The following PHF20L1 variants were observed in gnomAD, a reference collection of about 807,000 sequenced individuals.
PHF20L1 encodes PHD finger protein 20-like protein 1.
PHF20L1 carries 44 observed loss-of-function variants against 125.5 expected under a neutral mutation model. The ratio of observed to expected loss-of-function variants is 0.35; its 90% CI spans 0.28 to 0.45. The LOEUF (loss-of-function observed/expected upper bound fraction) is 0.45. Ranked by LOEUF, PHF20L1 falls within the 20% of genes least tolerant of loss-of-function variation. The probability of loss-of-function intolerance (pLI) is 1.00; values close to 1 mark genes in which losing one functional copy is unlikely to be tolerated. For missense variants in PHF20L1, 1,012 were observed against 1,217.2 expected (o/e 0.83, Z 2.51); for synonymous variants, 380 against 403.1 (o/e 0.94, Z 0.69).
chr8:132,836,962 A>T (rs1042260373), intron 16 of PHF20L1, among the ~76,000 whole-genome samples: 1 of 152,090 alleles, frequency 6.6e-6, no homozygotes, highest in Non-Finnish European at 1.5e-5. Context: ...TTCAAACTGA[A>T]ACTCTTTAGA....
Position 132,825,338 on chromosome 8 carries a change from A to G in PHF20L1, c.1711A>G (p.Lys571Glu). ...KDHYRPKQKKKKKKKKKSKQH... is the reference protein window; with the variant it reads ...KDHYRPKQKKEKKKKKKSKQH... Reference sequence around the variant, plus strand: ...TCACTACAGACCAAAACAGAAGAAGAAGAAAAAAAAGAAAAAGAAATCTAA... The same window carrying G: ...TCACTACAGACCAAAACAGAAGAAGGAGAAAAAAAAGAAAAAGAAATCTAA... The change falls in exon 14 of 21, where the codon AAG becomes GAG. Residue 571 changes from lysine to glutamate, a missense_variant. Lys to Glu is a moderately conservative substitution (Grantham distance 56). Around this residue, in one of 7 missense-constraint regions of PHF20L1, gnomAD observed 320 missense variants for 293.8 expected, o/e 1.09. Coordinates refer to ENST00000395386, the MANE Select transcript of PHF20L1 (RefSeq NM_016018.5). 1 of 1,480,422 alleles carries G rather than the reference A, an allele frequency of 6.8e-7. No homozygotes were observed. The highest frequency in any genetic ancestry group is 9.2e-7 in the Non-Finnish European group (1 of 1,084,938). 91.7% of individuals were successfully genotyped at this position (1,480,422 alleles called of 1,614,324 possible).
In PHF20L1 at chr8:132,817,557, A is replaced by C. The variant is rs1384200386; in HGVS notation, c.1579+12A>C. 7 of 1,589,756 alleles carry C rather than the reference A, an allele frequency of 4.4e-6. No homozygotes were observed. The highest frequency in any genetic ancestry group is 6.0e-6 in the Non-Finnish European group (7 of 1,166,376). On this transcript the variant is annotated intron_variant, in intron 12 of 20. Transcript: ENST00000395386. ...TCCAGCAGCAGCAGGTAAAAGAAAA[A>C]AAATAAAGGCTCCTATAAGTAGATA... is the stretch of plus-strand genomic sequence containing the variant.
Position 132,846,467 on chromosome 8 carries a change from G to A in PHF20L1, c.*544G>A, listed in dbSNP as rs4736611. Reference sequence around the variant, plus strand: ...ATGAGCTGTTTCTTGGGCGATGAATGTTCTCAATCAGAAAACTGACAGTAG... The same window carrying A: ...ATGAGCTGTTTCTTGGGCGATGAATATTCTCAATCAGAAAACTGACAGTAG... On this transcript the variant is annotated 3_prime_UTR_variant, in exon 21 of 21. Transcript: ENST00000395386. The A allele has an allele frequency of 0.26, 40,185 of 152,442 alleles. 6,456 individuals are homozygous for A. Among genetic ancestry groups the A allele is most frequent in the South Asian group, 0.45 (2,186 of 4,820 alleles). The allele number at this position is 152,442 out of a possible 1,614,324, so 9.4% of individuals were successfully genotyped here.
chr8:132,846,986 C>T lies in PHF20L1; in HGVS notation c.*1063C>T, dbSNP rs149315790. On this transcript the variant is annotated 3_prime_UTR_variant, in exon 21 of 21. Transcript: ENST00000395386. Reference sequence around the variant, plus strand: ...ATTTTATTTTTAAAAAATACATGCACACTCAAAACTTTTAGCTTTGATCAC... The same window carrying T: ...ATTTTATTTTTAAAAAATACATGCATACTCAAAACTTTTAGCTTTGATCAC... 80 of 152,526 alleles carry T rather than the reference C, an allele frequency of 5.2e-4. No individual in the cohort carries two copies. Among genetic ancestry groups the T allele is most frequent in the African/African-American group, 1.9e-3 (77 of 41,502 alleles). The allele number at this position is 152,526 out of a possible 1,614,324, so 9.4% of individuals were successfully genotyped here. A position where few individuals can be genotyped will look rare whatever the true frequency, so the allele number is the denominator to read the frequency against.
intron 14 of PHF20L1, chr8:132,826,106 A>G (rs1836147180): frequency 6.6e-6 from 1 of 152,106 alleles, no homozygotes; most frequent in South Asian, 2.1e-4. Flanking sequence ...AACTCTTCTT[A>G]CTTATGGACA....
chr8:132,820,041 AATAGAGAT>A (rs1835408263), intron 12 of PHF20L1, among the ~76,000 whole-genome samples: 1 of 151,798 alleles, frequency 6.6e-6, no homozygotes, highest in Non-Finnish European at 1.5e-5. Context: ...ATTGTTTTCC[AATAGAGAT>A]AATGAACTTG....
intron 2 of PHF20L1, among the ~76,000 whole-genome samples, chr8:132,782,157 G>A (rs1830503689): frequency 6.6e-6 from 1 of 152,178 alleles, no homozygotes. Context: ...ATAAAAATGA[G>A]TATAGGTGTG....
intron 15 of PHF20L1, 45 bp downstream of exon 15, chr8:132,832,444 A>G (rs766857572): frequency 7.2e-7 from 1 of 1,394,194 alleles, no homozygotes; most frequent in South Asian, 1.2e-5. Flanking sequence ...TACAATTCCT[A>G]AATGTGTAAC....
At chr8:132,845,686 T>C in intron 20 of PHF20L1, 95 bp from the exon 21 acceptor site, 1 of 865,534 alleles carries the variant, frequency 1.2e-6, no homozygotes, top group Non-Finnish European at 1.9e-6. Flanking sequence ...AAGTGAACCC[T>C]TAACTCCATC....
intron 2 of PHF20L1, among the ~76,000 whole-genome samples, chr8:132,790,134 G>A (rs1831509904): frequency 6.6e-6 from 1 of 152,070 alleles, no homozygotes; most frequent in African/African-American, 2.4e-5. Flanking sequence ...TAACACTACA[G>A]CTTCCAAATT....
chr8:132,786,888 G>A (rs1831098560), intron 2 of PHF20L1, among the ~76,000 whole-genome samples: 1 of 152,070 alleles, frequency 6.6e-6, no homozygotes, highest in South Asian at 2.1e-4. Flanking sequence ...CCAAATGCAG[G>A]AGGAATTGAT....
At chr8:132,823,220 C>G (rs937541973) in intron 12 of PHF20L1, among the ~76,000 whole-genome samples, 22 of 151,948 alleles carry the variant, frequency 1.4e-4, no homozygotes, top group African/African-American at 4.8e-4. Flanking sequence ...TGGCTATTAT[C>G]ATTACCTAAC....
intron 8 of PHF20L1, chr8:132,807,712 C>T (rs779224556): frequency 3.3e-5 from 15 of 455,446 alleles, no homozygotes; most frequent in South Asian, 9.3e-5. Context: ...TCTACTTATT[C>T]GTATTGGCAG....
rs372550936 is a variant in PHF20L1 at position 132,848,117 on chromosome 8, C to T, written c.*2194C>T. On this transcript the variant is annotated 3_prime_UTR_variant, in exon 21 of 21. Transcript: ENST00000395386. ...ATTCATCCTCTTGATTCCTGGTGAA[C>T]ACGGTTAAATTCATGCACATTTGTT... is the stretch of plus-strand genomic sequence containing the variant. 5.9e-5 allele frequency: 9 copies of T among 152,052 alleles called. No homozygotes were observed. The highest frequency in any genetic ancestry group is 1.9e-4 in the African/African-American group (8 of 41,442). 9.4% of individuals were successfully genotyped at this position (152,052 alleles called of 1,614,324 possible).
chr8:132,794,439 A>T lies in PHF20L1; in HGVS notation c.113A>T (p.Tyr38Phe). The T allele has an allele frequency of 6.2e-7, 1 of 1,609,988 alleles. No homozygotes were observed. Among genetic ancestry groups the T allele is most frequent in the Non-Finnish European group, 8.5e-7 (1 of 1,177,450 alleles). The change falls in exon 3 of 21, where the codon TAT becomes TTT. Residue 38 changes from tyrosine (Y) to phenylalanine (F), a missense_variant. Tyr to Phe is a conservative substitution (Grantham distance 22, BLOSUM62 3). Around this residue, in one of 7 missense-constraint regions of PHF20L1, gnomAD observed 94 missense variants for 179.5 expected, o/e 0.52. Coordinates refer to ENST00000395386, the MANE Select transcript of PHF20L1 (RefSeq NM_016018.5). ...WYPSRIEKIDYEEGKMLVHFE... is the reference protein window; with the variant it reads ...WYPSRIEKIDFEEGKMLVHFE... Reference sequence around the variant, plus strand: ...CCATCACGAATTGAAAAAATTGACTATGAGGAGGGCAAGATGTTGGTCCAT... The same window carrying T: ...CCATCACGAATTGAAAAAATTGACTTTGAGGAGGGCAAGATGTTGGTCCAT...
chr8:132,815,619 A>G (rs1563822054), intron 10 of PHF20L1: 1 of 151,960 alleles, frequency 6.6e-6, no homozygotes, highest in African/African-American at 2.4e-5. Flanking sequence ...AAAATGAAAT[A>G]CATGATCAGT....
intron 10 of PHF20L1, 189 bp from the exon 11 acceptor site, chr8:132,816,699 A>T (rs149508696): frequency 2.1e-6 from 1 of 468,526 alleles, no homozygotes; most frequent in Non-Finnish European, 3.8e-6. Context: ...ACAATTTTTG[A>T]TTGACTCATT....
At chr8:132,794,304 C>T in intron 2 of PHF20L1, 106 bp from the exon 3 acceptor site, 3 of 631,724 alleles carry the variant, frequency 4.7e-6, no homozygotes, top group Admixed American at 6.1e-5. Context: ...TTATTGTTTT[C>T]TTCATGGTTT....
chr8:132,842,420 C>T (rs1244140184), intron 18 of PHF20L1, 95 bp from the exon 19 acceptor site: 2 of 1,128,854 alleles, frequency 1.8e-6, no homozygotes, highest in East Asian at 2.5e-5. Context: ...TCCTAGATGT[C>T]CTCCTAACCT....
Sources: allele counts gnomAD v4.1 joint callset (sites outside exome capture counted in the v4.1 genomes callset), GRCh38; gene constraint gnomAD v4.1.1; regional missense constraint gnomAD v4.1.1; transcripts MANE v1.5; gene names NCBI Gene and HGNC (gene_info 2026-07-23, HGNC 2026-07-21).